Variants in RYR3 observed in about 807,000 individuals in gnomAD.
RYR3 encodes brain ryanodine receptor-calcium release channel.
A neutral mutation model predicts 584.3 loss-of-function variants in RYR3; 207 were observed. The observed-to-expected ratio is 0.35, with a 90% confidence interval of 0.32 to 0.40. RYR3 has a LOEUF of 0.40. Ranked by LOEUF, RYR3 falls within the 10% of genes least tolerant of loss-of-function variation. The probability of loss-of-function intolerance (pLI) is 1.00; values close to 1 mark genes in which losing one functional copy is unlikely to be tolerated. For missense variants in RYR3, 5,616 were observed against 6,089.2 expected (o/e 0.92, Z 2.59); for synonymous variants, 2,416 against 2,248.5 (o/e 1.07, Z -2.11).
chr15:33,371,497 C>A (rs1028095181), intron 1 of RYR3, among the ~76,000 whole-genome samples: 1 of 152,190 alleles, frequency 6.6e-6, no homozygotes, highest in African/African-American at 2.4e-5. Context: ...TAAGCACTTT[C>A]TATGTGCTAG....
chr15:33,437,434 T>G (rs2045835051), intron 1 of RYR3, among the ~76,000 whole-genome samples: 1 of 152,258 alleles, frequency 6.6e-6, no homozygotes, highest in African/African-American at 2.4e-5. Context: ...AGACCTGATC[T>G]TGTTACGATT....
intron 1 of RYR3, among the ~76,000 whole-genome samples, chr15:33,375,981 G>C (rs889251184): frequency 2.0e-5 from 3 of 152,232 alleles, no homozygotes; most frequent in South Asian, 2.1e-4. Flanking sequence ...GGAGAATGGC[G>C]TGAACCCGGG....
intron 23 of RYR3, among the ~76,000 whole-genome samples, chr15:33,631,854 G>A (rs2061282012): frequency 6.6e-6 from 1 of 152,184 alleles, no homozygotes; most frequent in Admixed American, 6.5e-5. Flanking sequence ...ATATGCAGAT[G>A]GATTCACACA....
chr15:33,863,840 G>C (rs1056007928), intron 102 of RYR3, among the ~76,000 whole-genome samples: 1 of 152,000 alleles, frequency 6.6e-6, no homozygotes, highest in African/African-American at 2.4e-5. Context: ...TGTTTTATTA[G>C]AATTTTGTTA....
In RYR3 at chr15:33,659,796, G is replaced by A. The variant is rs1235900492; in HGVS notation, c.4385G>A (p.Gly1462Glu). The change falls in exon 33 of 104, where the codon GGA becomes GAA. Residue 1462 changes from glycine (G) to glutamate (E), a missense_variant. Transcript: ENST00000634891. ...ACTTCTTTGTTTCAGTTTGAACTTG[G>A]AAAGCTGAAGGTATTTATTTGTCCT... ...TSTSLFQFEL[G>E]KLKNAMPLSA... 1 of 1,606,580 alleles carries A rather than the reference G, an allele frequency of 6.2e-7. No individual in the cohort carries two copies. The highest frequency in any genetic ancestry group is 1.7e-5 in the Admixed American group (1 of 59,978).
At chr15:33,520,726 T>C (rs2053918535) in intron 3 of RYR3, among the ~76,000 whole-genome samples, 1 of 146,484 alleles carries the variant, frequency 6.8e-6, no homozygotes, top group Non-Finnish European at 1.5e-5. Context: ...AAACATGTGT[T>C]AGGGTTGCCA....
intron 1 of RYR3, among the ~76,000 whole-genome samples, chr15:33,333,494 A>G (rs184453791): frequency 6.2e-4 from 94 of 152,354 alleles, no homozygotes; most frequent in Non-Finnish European, 9.1e-4. Flanking sequence ...AAAATTCAAC[A>G]TCCTTTCATG....
At chr15:33,482,608 A>G (rs1037686866) in intron 2 of RYR3, among the ~76,000 whole-genome samples, 1 of 152,022 alleles carries the variant, frequency 6.6e-6, no homozygotes, top group African/African-American at 2.4e-5. Context: ...TTGTAGGGAT[A>G]GGGTTTCACC....
At chr15:33,683,026 G>A (rs1013145637) in intron 38 of RYR3, among the ~76,000 whole-genome samples, 1 of 150,716 alleles carries the variant, frequency 6.6e-6, no homozygotes, top group Admixed American at 6.6e-5. Context: ...ATGGAGTCTC[G>A]CTCTGTTGCC....
intron 11 of RYR3, 51 bp downstream of exon 11, chr15:33,563,061 A>G: frequency 6.9e-7 from 1 of 1,446,062 alleles, no homozygotes; most frequent in South Asian, 1.2e-5. Flanking sequence ...GTTGGAAGCA[A>G]CTAGGCAATA....
chr15:33,731,659 G>A lies in RYR3; in HGVS notation c.7389G>A (p.Arg2463=), dbSNP rs763616243. The A allele has an allele frequency of 4.3e-6, 7 of 1,613,070 alleles. No individual in the cohort carries two copies. Among genetic ancestry groups the A allele is most frequent in the Non-Finnish European group, 5.9e-6 (7 of 1,179,290 alleles). ...GACGTTCCCTCACCAAAGCACAAAG[G>A]GACACTATAGAAGAATGTTTGCTTG... ...SKGRSLTKAQ[R]DTIEECLLAI... Residue 2463 remains arginine (R), a synonymous_variant, in exon 48 of 104, where the codon AGG becomes AGA. Transcript: ENST00000634891.
In RYR3 at chr15:33,311,775, C is replaced by A. The variant is rs1381442957; in HGVS notation, c.51+679C>A. 6.6e-6 allele frequency among the ~76,000 whole-genome samples: 1 copy of A among 152,228 alleles called. No individual in the cohort carries two copies. Among genetic ancestry groups the A allele is most frequent in the Non-Finnish European group, 1.5e-5 (1 of 68,040 alleles). ...CCTGGCTCCCGCGAGCCCCGCAGGA[C>A]AGGGAAACCCCAGTCAGTGGCTCCG... On this transcript the variant is annotated intron_variant, in intron 1 of 103. Coordinates refer to ENST00000634891, the MANE Select transcript of RYR3 (RefSeq NM_001036.6). The surrounding 1 kb of genome is among the most constrained non-coding windows in gnomAD (Gnocchi z 4.4).
At chr15:33,819,419 T>A (rs1476488941) in intron 76 of RYR3, among the ~76,000 whole-genome samples, 9 of 151,888 alleles carry the variant, frequency 5.9e-5, no homozygotes, top group Admixed American at 5.9e-4. Context: ...TGCCTGTAAT[T>A]CCAGCATTTT....
chr15:33,680,023 ATGGGTTTG>A (rs1363484119), intron 38 of RYR3, among the ~76,000 whole-genome samples: 1 of 152,236 alleles, frequency 6.6e-6, no homozygotes, highest in Non-Finnish European at 1.5e-5. Context: ...TTCCAGCAGC[ATGGGTTTG>A]AATCCAAACT....
intron 12 of RYR3, among the ~76,000 whole-genome samples, chr15:33,579,253 T>C (rs8023957): frequency 0.037 from 5,636 of 151,856 alleles, 300 homozygotes; most frequent in African/African-American, 0.12. Context: ...GGACCACAGA[T>C]ACAGAAAGTA....
intron 19 of RYR3, among the ~76,000 whole-genome samples, chr15:33,620,290 T>C (rs2060658168): frequency 6.6e-6 from 1 of 152,158 alleles, no homozygotes; most frequent in Non-Finnish European, 1.5e-5. Context: ...AGCTTCCACG[T>C]GGTTTCTTGA....
At chr15:33,359,665 C>T (rs1293742331) in intron 1 of RYR3, among the ~76,000 whole-genome samples, 1 of 151,910 alleles carries the variant, frequency 6.6e-6, no homozygotes, top group East Asian at 1.9e-4. Context: ...GTCACCCAGG[C>T]TGGAGTGCAG....
At chr15:33,587,104 G>A (rs66863103) in intron 16 of RYR3, among the ~76,000 whole-genome samples, 1 of 152,158 alleles carries the variant, frequency 6.6e-6, no homozygotes, top group Non-Finnish European at 1.5e-5. Flanking sequence ...TGCATCAGCC[G>A]TGGGCAGCAG....
intron 1 of RYR3, among the ~76,000 whole-genome samples, chr15:33,424,395 C>G (rs2044454905): frequency 6.6e-6 from 1 of 152,140 alleles, no homozygotes; most frequent in African/African-American, 2.4e-5. Flanking sequence ...TTTCTAAAAA[C>G]CTGATTATGG....
Sources: gnomAD v4.1 joint callset for allele counts (sites outside exome capture counted in the v4.1 genomes callset) on GRCh38, gnomAD v4.1.1 for gene constraint, Gnocchi (gnomAD v3.1) non-coding constraint, MANE v1.5 for transcripts, NCBI Gene and HGNC (gene_info 2026-07-23, HGNC 2026-07-21) for gene names.